Variants in CDH13 observed in about 807,000 individuals in gnomAD.
CDH13 encodes the protein cadherin-13.
A neutral mutation model predicts 63.8 loss-of-function variants in CDH13; 24 were observed. That is an observed-to-expected ratio of 0.38 (90% CI 0.27 to 0.53). The LOEUF is 0.53. Ranked by LOEUF, CDH13 falls within the 20% of genes least tolerant of loss-of-function variation. CDH13 has a pLI of 0.85. For missense variants in CDH13, 1,049 were observed against 903.1 expected (o/e 1.16, Z -2.07); for synonymous variants, 503 against 355.3 (o/e 1.42, Z -4.67).
chr16:83,094,777 G>A (rs2034111768), intron 3 of CDH13, among the ~76,000 whole-genome samples: 1 of 152,188 alleles, frequency 6.6e-6, no homozygotes, highest in Non-Finnish European at 1.5e-5. Context: ...TAAAGTTGGT[G>A]ACTTCCTTCT....
chr16:83,278,802 T>C (rs963676587), intron 5 of CDH13, among the ~76,000 whole-genome samples: 1 of 152,164 alleles, frequency 6.6e-6, no homozygotes, highest in Non-Finnish European at 1.5e-5. Context: ...CCTGTATTCA[T>C]AGCAAGAAAT....
chr16:83,580,241 C>A (rs192421042), intron 7 of CDH13, among the ~76,000 whole-genome samples: 1 of 151,952 alleles, frequency 6.6e-6, no homozygotes, highest in Non-Finnish European at 1.5e-5. Context: ...TAAATATGTG[C>A]GTGAGGTGAT....
intron 4 of CDH13, among the ~76,000 whole-genome samples, chr16:83,197,200 A>G (rs990575799): frequency 3.9e-5 from 6 of 152,152 alleles, no homozygotes; most frequent in African/African-American, 1.4e-4. Flanking sequence ...TGCATACTAT[A>G]TGATTCCATT....
At chr16:82,683,752 A>C (rs1026989327) in intron 1 of CDH13, among the ~76,000 whole-genome samples, 2 of 152,220 alleles carry the variant, frequency 1.3e-5, no homozygotes, top group African/African-American at 4.8e-5. Context: ...TTTCTTAATG[A>C]GGGAGAAAAT....
chr16:83,785,452 C>G (rs1269132384), intron 13 of CDH13, among the ~76,000 whole-genome samples: 1 of 152,206 alleles, frequency 6.6e-6, no homozygotes, highest in Non-Finnish European at 1.5e-5. Flanking sequence ...AGTACCATCA[C>G]CTTGGGGATC....
chr16:82,651,528 C>A (rs538300092), intron 1 of CDH13, among the ~76,000 whole-genome samples: 3 of 152,184 alleles, frequency 2.0e-5, no homozygotes, highest in Non-Finnish European at 4.4e-5. Flanking sequence ...ATATGGGTGG[C>A]GTATCTTCTT....
At chr16:83,523,525 A>G (rs1303658976) in intron 7 of CDH13, among the ~76,000 whole-genome samples, 1 of 152,150 alleles carries the variant, frequency 6.6e-6, no homozygotes, top group Non-Finnish European at 1.5e-5. Flanking sequence ...TACCCTGCCA[A>G]CCAGTGCCCC....
intron 1 of CDH13, among the ~76,000 whole-genome samples, chr16:82,842,149 T>TATATAC (rs2039058692): frequency 5.3e-5 from 2 of 37,614 alleles, no homozygotes; most frequent in Non-Finnish European, 1.2e-4. Context: ...CACATATATA[T>TATATAC]ATATATATAT....
chr16:83,090,983 A>G (rs190713055), intron 3 of CDH13, among the ~76,000 whole-genome samples: 28 of 152,192 alleles, frequency 1.8e-4, no homozygotes, highest in Admixed American at 1.0e-3. Flanking sequence ...ATATATAAAC[A>G]TAATATATAT....
chr16:83,323,172 TTTTTTCTTTCTTTCTTTCTTTC>T lies in CDH13; in HGVS notation c.637-21686_637-21665del, dbSNP rs1306376589. Reference sequence around the variant, plus strand: ...CTACTTCTTTCTTTCTTTCTCTTTCTTTTTTCTTTCTTTCTTTCTTTCTTTCTTTCTTTCTTTCTTTCTTTCT... The same window carrying T: ...CTACTTCTTTCTTTCTTTCTCTTTCTTTTCTTTCTTTCTTTCTTTCTTTCT... On this transcript the variant is annotated intron_variant, in intron 5 of 13. Coordinates refer to ENST00000567109, the MANE Select transcript of CDH13 (RefSeq NM_001257.5). Among the ~76,000 whole-genome samples the T allele has an allele frequency of 3.3e-3, 210 of 62,928 alleles. 4 individuals carry two copies. The South Asian group carries it at 0.063, about 19-fold the overall frequency. The allele number at this position is 62,928 out of a possible 152,430, so 41.3% of individuals were successfully genotyped here. A position where few individuals can be genotyped will look rare whatever the true frequency, so the allele number is the denominator to read the frequency against.
intron 1 of CDH13, among the ~76,000 whole-genome samples, chr16:82,819,359 G>A (rs913947306): frequency 6.6e-6 from 1 of 152,176 alleles, no homozygotes; most frequent in Non-Finnish European, 1.5e-5. Flanking sequence ...AGTATCAAAT[G>A]CTGATTCTCA....
At chr16:82,733,144 T>C (rs559875407) in intron 1 of CDH13, among the ~76,000 whole-genome samples, 1 of 152,326 alleles carries the variant, frequency 6.6e-6, no homozygotes, top group Non-Finnish European at 1.5e-5. Flanking sequence ...CTGGATGCCC[T>C]CAACAATGTT....
intron 4 of CDH13, among the ~76,000 whole-genome samples, chr16:83,164,884 A>C (rs202034250): frequency 6.6e-6 from 1 of 151,484 alleles, no homozygotes; most frequent in South Asian, 2.1e-4. Flanking sequence ...AGTGGACATT[A>C]TTATCTTACA....
At chr16:83,268,419 G>T (rs1344581586) in intron 5 of CDH13, among the ~76,000 whole-genome samples, 1 of 152,148 alleles carries the variant, frequency 6.6e-6, no homozygotes, top group African/African-American at 2.4e-5. Context: ...AGTTGCCACA[G>T]TTGTTACTAC....
chr16:82,908,317 A>C (rs1171875276), intron 2 of CDH13, among the ~76,000 whole-genome samples: 1 of 152,146 alleles, frequency 6.6e-6, no homozygotes, highest in Non-Finnish European at 1.5e-5. Flanking sequence ...GCCAGATGCA[A>C]GACCAAGTAG....
intron 6 of CDH13, among the ~76,000 whole-genome samples, chr16:83,370,461 G>C (rs1162914326): frequency 6.6e-6 from 1 of 151,390 alleles, no homozygotes; most frequent in East Asian, 1.9e-4. Context: ...TACCTTTATT[G>C]ATTTATTTTA....
chr16:83,021,882 A>G (rs909197573), intron 2 of CDH13, among the ~76,000 whole-genome samples: 2 of 152,212 alleles, frequency 1.3e-5, no homozygotes, highest in African/African-American at 4.8e-5. Context: ...AGAAGAGTAG[A>G]AATAATCAAG....
intron 4 of CDH13, among the ~76,000 whole-genome samples, chr16:83,149,213 C>T (rs1382808175): frequency 7.2e-5 from 11 of 152,168 alleles, no homozygotes; most frequent in Non-Finnish European, 5.9e-5. Context: ...GTAAATCATG[C>T]TAATGACCTC....
At chr16:82,995,398 T>C (rs1171585506) in intron 2 of CDH13, among the ~76,000 whole-genome samples, 1 of 152,204 alleles carries the variant, frequency 6.6e-6, no homozygotes, top group Non-Finnish European at 1.5e-5. Context: ...ATCCATGCCT[T>C]TGAAAGGCAA....
Sources: gnomAD v4.1 joint callset for allele counts (sites outside exome capture counted in the v4.1 genomes callset) on GRCh38, gnomAD v4.1.1 for gene constraint, MANE v1.5 for transcripts, NCBI Gene and HGNC (gene_info 2026-07-23, HGNC 2026-07-21) for gene names.